The following ASTN2 variants were observed in gnomAD, a reference collection of about 807,000 sequenced individuals.
The protein encoded by ASTN2 is astrotactin 2, also known as astrotactin-2.
ASTN2 carries 54 observed loss-of-function variants against 139.8 expected under a neutral mutation model. The ratio of observed to expected loss-of-function variants is 0.39; its 90% confidence interval spans 0.31 to 0.48. The LOEUF is 0.48. Among genes scored for constraint, ASTN2 ranks in the 20% least tolerant of loss-of-function variants. The pLI, the probability that ASTN2 is intolerant of heterozygous loss-of-function variation, is 0.95. For missense variants in ASTN2, 1,565 were observed against 1,725.1 expected, an observed-to-expected ratio of 0.91 and a Z score of 1.64; for synonymous variants, 756 against 719.5, an observed-to-expected ratio of 1.05 and a Z score of -0.81.
chr9:117,368,493 T>C (rs1257157991), intron 1 of ASTN2, among the ~76,000 whole-genome samples: 3 of 152,182 alleles, frequency 2.0e-5, no homozygotes, highest in African/African-American at 7.2e-5. Context: ...TGTGTTTGAG[T>C]AGGATAAGCA....
chr9:116,626,730 C>T (rs1784012278), intron 17 of ASTN2, among the ~76,000 whole-genome samples: 2 of 151,970 alleles, frequency 1.3e-5, no homozygotes, highest in African/African-American at 4.8e-5. Context: ...GGTTGACATC[C>T]CAACTTTATG....
chr9:116,804,816 G>T (rs530057789), intron 13 of ASTN2, among the ~76,000 whole-genome samples: 1 of 152,064 alleles, frequency 6.6e-6, no homozygotes, highest in South Asian at 2.1e-4. Flanking sequence ...TGCAAACATG[G>T]TTAAAAGTAT....
intron 10 of ASTN2, among the ~76,000 whole-genome samples, chr9:116,954,718 T>C (rs1835662828): frequency 2.0e-5 from 3 of 152,180 alleles, no homozygotes; most frequent in South Asian, 2.1e-4. Flanking sequence ...TTGGCAAACA[T>C]CTGAGAGAGT....
intron 10 of ASTN2, among the ~76,000 whole-genome samples, chr9:116,867,417 G>A (rs1833042068): frequency 6.6e-6 from 1 of 151,796 alleles, no homozygotes; most frequent in Non-Finnish European, 1.5e-5. Flanking sequence ...GGGCGTGGTG[G>A]CGGGTGCCTG....
At chr9:116,562,715 T>A (rs60542122) in intron 19 of ASTN2, among the ~76,000 whole-genome samples, 21,501 of 122,058 alleles carry the variant, frequency 0.18, 1,853 homozygotes, top group African/African-American at 0.24. Context: ...TGGGTGACAG[T>A]GCGAGTGACT....
At chr9:116,531,934 T>A (rs1851370302) in intron 19 of ASTN2, among the ~76,000 whole-genome samples, 1 of 152,246 alleles carries the variant, frequency 6.6e-6, no homozygotes, top group African/African-American at 2.4e-5. Flanking sequence ...CCTTGAGGAA[T>A]CACCACACTG....
intron 19 of ASTN2, among the ~76,000 whole-genome samples, chr9:116,615,814 T>C (rs889261224): frequency 1.3e-5 from 2 of 151,978 alleles, no homozygotes; most frequent in South Asian, 2.1e-4. Context: ...ACATGGCACA[T>C]GTATACATAT....
rs73522455 is a variant in ASTN2 at position 116,508,372 on chromosome 9, C to G, written c.3356-20872G>C. Reference sequence around the variant, plus strand: ...GTCATCACCTCACCCAGTTCCACAGCCTGCAAGAATTTCCGTATGCTCTGC... The same window carrying G: ...GTCATCACCTCACCCAGTTCCACAGGCTGCAAGAATTTCCGTATGCTCTGC... On this transcript the variant is annotated intron_variant, in intron 19 of 22. Coordinates refer to ENST00000313400, the MANE Select transcript of ASTN2 (RefSeq NM_001365068.1). Among the ~76,000 whole-genome samples the G allele has an allele frequency of 2.4e-4, 36 of 152,256 alleles. No individual in the cohort carries two copies. The Middle Eastern group carries it at 0.017, about 72-fold the overall frequency.
intron 12 of ASTN2, among the ~76,000 whole-genome samples, chr9:116,811,835 A>G (rs7849686): frequency 0.27 from 40,649 of 151,980 alleles, 5,930 homozygotes; most frequent in East Asian, 0.49. Flanking sequence ...GTATAAATTT[A>G]TTTCTATTGG....
At chr9:117,070,310 TTTTC>T (rs942800711) in intron 5 of ASTN2, among the ~76,000 whole-genome samples, 4 of 106,810 alleles carry the variant, frequency 3.7e-5, no homozygotes, top group African/African-American at 1.2e-4. Flanking sequence ...TTGAAAATTC[TTTTC>T]TTTAAGAATG....
chr9:117,268,884 CTT>C (rs2133121132), intron 2 of ASTN2, among the ~76,000 whole-genome samples: 1 of 152,260 alleles, frequency 6.6e-6, no homozygotes, highest in East Asian at 1.9e-4. Context: ...TAACAAAAAA[CTT>C]GACACATGCT....
rs572498303 is a variant in ASTN2 at position 117,058,213 on chromosome 9, C to T, written c.1277-18248G>A. ...ATAAATGGATAAATGAATGAATGGA[C>T]AGAGGCTTTAACCAATTCCTTATTT... is the stretch of plus-strand genomic sequence containing the variant. On this transcript the variant is annotated intron_variant, in intron 5 of 22. Transcript: ENST00000313400. Among the ~76,000 whole-genome samples the T allele has an allele frequency of 2.0e-5, 3 of 152,190 alleles. No homozygotes were observed. The East Asian group carries it at 5.8e-4, about 29-fold the overall frequency.
At chr9:116,518,096 C>T (rs999597143) in intron 19 of ASTN2, among the ~76,000 whole-genome samples, 1 of 152,150 alleles carries the variant, frequency 6.6e-6, no homozygotes, top group Non-Finnish European at 1.5e-5. Flanking sequence ...AGGGAATAAT[C>T]AAGGAAAACT....
chr9:116,617,482 T>C (rs1010405754), intron 19 of ASTN2, among the ~76,000 whole-genome samples: 1 of 152,190 alleles, frequency 6.6e-6, no homozygotes, highest in Non-Finnish European at 1.5e-5. Context: ...TTTAATTCTT[T>C]AAATAGCCAA....
At chr9:116,606,951 T>C (rs1321530318) in intron 19 of ASTN2, among the ~76,000 whole-genome samples, 1 of 152,188 alleles carries the variant, frequency 6.6e-6, no homozygotes, top group Non-Finnish European at 1.5e-5. Flanking sequence ...TCCTCAAAGA[T>C]AAAACTCAAC....
chr9:116,546,344 T>C (rs939295458), intron 19 of ASTN2, among the ~76,000 whole-genome samples: 2 of 152,072 alleles, frequency 1.3e-5, no homozygotes, highest in African/African-American at 2.4e-5. Context: ...AGCATCTAGA[T>C]AGGGTAGGAG....
At chr9:116,891,089 TA>T (rs1833751961) in intron 10 of ASTN2, among the ~76,000 whole-genome samples, 1 of 152,184 alleles carries the variant, frequency 6.6e-6, no homozygotes, top group African/African-American at 2.4e-5. Flanking sequence ...GTATCTAATG[TA>T]TTCATTGTTC....
chr9:117,316,634 A>G (rs1828152387), intron 1 of ASTN2, among the ~76,000 whole-genome samples: 1 of 152,138 alleles, frequency 6.6e-6, no homozygotes, highest in Non-Finnish European at 1.5e-5. Flanking sequence ...GGCTGAGGAC[A>G]TCACTCCCTC....
At chr9:116,598,982 A>C (rs1202987091) in intron 19 of ASTN2, among the ~76,000 whole-genome samples, 5 of 152,250 alleles carry the variant, frequency 3.3e-5, no homozygotes, top group African/African-American at 1.2e-4. Flanking sequence ...ATTCCAAGGC[A>C]TGGTGACATT....
Sources: allele counts gnomAD v4.1 joint callset (sites outside exome capture counted in the v4.1 genomes callset), GRCh38; gene constraint gnomAD v4.1.1; transcripts MANE v1.5; gene names NCBI Gene and HGNC (gene_info 2026-07-23, HGNC 2026-07-21).